KHDRBS2: variants seen among roughly 807,000 people sequenced by gnomAD.
KHDRBS2 encodes KH domain-containing, RNA-binding, signal transduction-associated protein 2.
A neutral mutation model predicts 44.3 loss-of-function variants in KHDRBS2; 26 were observed. The observed-to-expected ratio is 0.59, with a 90% CI of 0.43 to 0.81. The LOEUF (loss-of-function observed/expected upper bound fraction) is 0.81, where lower values mean the gene tolerates loss of function less well. Among genes scored for constraint, KHDRBS2 ranks in the 40% least tolerant of loss-of-function variants. The pLI, the probability that KHDRBS2 is intolerant of heterozygous loss-of-function variation, is 0.00. For missense variants in KHDRBS2, 476 were observed against 433.1 expected (o/e 1.10, Z -0.88); for synonymous variants, 194 against 151.1 (o/e 1.28, Z -2.08).
intron 6 of KHDRBS2, among the ~76,000 whole-genome samples, chr6:61,885,765 G>C (rs1457407423): frequency 1.3e-5 from 2 of 152,066 alleles, no homozygotes; most frequent in Admixed American, 6.6e-5. Flanking sequence ...TTGCAACAAA[G>C]AGAGATGACC....
At chr6:61,595,258 T>C in the KHDRBS2 span, among the ~76,000 whole-genome samples, 1 of 152,118 alleles carries the variant, frequency 6.6e-6, no homozygotes, top group Admixed American at 6.6e-5. Flanking sequence ...CTCAAAGAAA[T>C]ATCTTCAGGC....
chr6:62,250,105 A>C (rs1836273447), intron 1 of KHDRBS2, among the ~76,000 whole-genome samples: 1 of 152,104 alleles, frequency 6.6e-6, no homozygotes, highest in Non-Finnish European at 1.5e-5. Flanking sequence ...GCTATCCAGA[A>C]AACTTTCAAA....
the KHDRBS2 span, among the ~76,000 whole-genome samples, chr6:61,667,010 C>G: frequency 8.1e-6 from 1 of 124,116 alleles, no homozygotes; most frequent in Admixed American, 8.2e-5. Flanking sequence ...TTTTTTTTCT[C>G]AAAAGAAGGA....
At chr6:61,732,171 AT>A (rs1180565635) in intron 7 of KHDRBS2, among the ~76,000 whole-genome samples, 3 of 152,106 alleles carry the variant, frequency 2.0e-5, no homozygotes, top group African/African-American at 7.2e-5. Context: ...ATAAAAAATC[AT>A]TTATATCACA....
chr6:62,066,679 T>G (rs575579345), intron 2 of KHDRBS2, among the ~76,000 whole-genome samples: 1 of 151,656 alleles, frequency 6.6e-6, no homozygotes. Context: ...AATTAATCCA[T>G]TAAGAGGGGC....
the KHDRBS2 span, among the ~76,000 whole-genome samples, chr6:61,656,002 T>A: frequency 2.0e-5 from 3 of 152,030 alleles, no homozygotes; most frequent in Non-Finnish European, 4.4e-5. Flanking sequence ...TAGAGAGAAA[T>A]CTGATGTTCA....
At chr6:61,857,439 T>C (rs1796305706) in intron 6 of KHDRBS2, among the ~76,000 whole-genome samples, 1 of 151,936 alleles carries the variant, frequency 6.6e-6, no homozygotes, top group Non-Finnish European at 1.5e-5. Context: ...AATGGGCATG[T>C]ATGGTGGAGG....
rs534055812 is a variant in KHDRBS2 at position 62,095,087 on chromosome 6, G to T, written c.220-47093C>A. 3.3e-5 allele frequency among the ~76,000 whole-genome samples: 5 copies of T among 151,684 alleles called. No homozygotes were observed. In the East Asian group the frequency reaches 9.7e-4, roughly 29 times the overall value. ...GAATTATATGATTGTTTTTTTCTCT[G>T]TTTCTATGAAGAATGCCATTGGTAT... is the stretch of plus-strand genomic sequence containing the variant. On this transcript the variant is annotated intron_variant, in intron 2 of 8. Coordinates refer to ENST00000281156, the MANE Select transcript of KHDRBS2 (RefSeq NM_152688.4).
chr6:61,933,160 A>G (rs956858761), intron 4 of KHDRBS2, among the ~76,000 whole-genome samples: 6 of 152,158 alleles, frequency 3.9e-5, no homozygotes, highest in African/African-American at 7.2e-5. Flanking sequence ...GGCACATCCT[A>G]CATGGCTGGA....
chr6:62,115,285 C>T (rs1203644183), intron 2 of KHDRBS2, among the ~76,000 whole-genome samples: 3 of 152,110 alleles, frequency 2.0e-5, no homozygotes, highest in South Asian at 2.1e-4. Flanking sequence ...AAATAACATG[C>T]TTATATTCTG....
the KHDRBS2 span, among the ~76,000 whole-genome samples, chr6:61,551,989 T>C: frequency 1.3e-5 from 2 of 152,034 alleles, no homozygotes; most frequent in South Asian, 2.1e-4. Flanking sequence ...ATGCTACTAA[T>C]TTTTGTACAT....
chr6:61,592,491 T>C, the KHDRBS2 span, among the ~76,000 whole-genome samples: 9 of 152,100 alleles, frequency 5.9e-5, no homozygotes, highest in African/African-American at 2.2e-4. Context: ...GAGTTCATCT[T>C]TCCTAGATCT....
At chr6:61,999,596 C>T (rs1470665418) in intron 3 of KHDRBS2, among the ~76,000 whole-genome samples, 2 of 152,052 alleles carry the variant, frequency 1.3e-5, no homozygotes, top group African/African-American at 4.8e-5. Flanking sequence ...ATAGTTTCTA[C>T]AGTGCTTAAA....
intron 6 of KHDRBS2, among the ~76,000 whole-genome samples, chr6:61,752,671 C>CAAAAAAA (rs56410130): frequency 1.8e-5 from 2 of 111,306 alleles, no homozygotes; most frequent in African/African-American, 3.3e-5. Flanking sequence ...TTGTGGTATA[C>CAAAAAAA]AAAAAAAAAA....
chr6:61,787,810 G>T (rs1026120970), intron 6 of KHDRBS2, among the ~76,000 whole-genome samples: 1 of 151,608 alleles, frequency 6.6e-6, no homozygotes, highest in Non-Finnish European at 1.5e-5. Flanking sequence ...TTTTATAGAT[G>T]AGTTTTTATA....
At chr6:62,075,338 C>G (rs1796122526) in intron 2 of KHDRBS2, among the ~76,000 whole-genome samples, 1 of 151,940 alleles carries the variant, frequency 6.6e-6, no homozygotes, top group East Asian at 2.0e-4. Context: ...AGAGAGCAAG[C>G]TAGACAAAGA....
At chr6:61,815,830 T>A in intron 6 of KHDRBS2, among the ~76,000 whole-genome samples, 1 of 152,232 alleles carries the variant, frequency 6.6e-6, no homozygotes, top group East Asian at 1.9e-4. Context: ...CTTACCATAA[T>A]ACCATATGTT....
the KHDRBS2 span, among the ~76,000 whole-genome samples, chr6:61,608,952 C>G: frequency 2.0e-5 from 3 of 152,026 alleles, no homozygotes; most frequent in Non-Finnish European, 4.4e-5. Context: ...GGGTATATAC[C>G]CAGTAATGGG....
intron 1 of KHDRBS2, among the ~76,000 whole-genome samples, chr6:62,223,045 G>A (rs1011193455): frequency 1.3e-5 from 2 of 152,166 alleles, no homozygotes; most frequent in Non-Finnish European, 2.9e-5. Flanking sequence ...TGCCCCAGTA[G>A]GGACTCTTTG....
Sources: allele counts gnomAD v4.1 joint callset (sites outside exome capture counted in the v4.1 genomes callset), GRCh38; gene constraint gnomAD v4.1.1; transcripts MANE v1.5; gene names NCBI Gene and HGNC (gene_info 2026-07-23, HGNC 2026-07-21).